RPN2: variants seen among roughly 807,000 people sequenced by gnomAD.
RPN2 encodes the protein ribophorin II.
In RPN2, 29 loss-of-function variants were observed where a neutral mutation model predicts 71.4. That is an observed-to-expected ratio of 0.41 (90% CI 0.30 to 0.55). RPN2 has a LOEUF of 0.55. Among genes scored for constraint, RPN2 ranks in the 20% least tolerant of loss-of-function variants. The pLI is 0.35. For synonymous variants in RPN2, 308 were observed against 305.0 expected (o/e 1.01, Z -0.10); for missense variants, 726 against 774.1 (o/e 0.94, Z 0.74).
At chr20:37,210,274 T>C (rs538561258) in intron 8 of RPN2, 109 bp downstream of exon 8, 3 of 1,582,452 alleles carry the variant, frequency 1.9e-6, no homozygotes, top group South Asian at 1.1e-5. Flanking sequence ...TTTGATCTAC[T>C]GGTATCGAAA....
chr20:37,198,831 C>T (rs2067314752), intron 3 of RPN2, among the ~76,000 whole-genome samples: 1 of 152,216 alleles, frequency 6.6e-6, no homozygotes, highest in South Asian at 2.1e-4. Flanking sequence ...CATAGGAGAA[C>T]CATATAAGTA....
chr20:37,238,764 C>T (rs751110991), intron 16 of RPN2: 1 of 610,762 alleles, frequency 1.6e-6, no homozygotes, highest in East Asian at 3.8e-5. Flanking sequence ...AAGCCTCTCT[C>T]TCTGTTTCCA....
At chr20:37,231,885 T>A (rs2343034) in intron 13 of RPN2, among the ~76,000 whole-genome samples, 124,417 of 151,962 alleles carry the variant, frequency 0.82, 51,631 homozygotes, top group Middle Eastern at 0.93. Flanking sequence ...GCAGCAGCAT[T>A]TGCCAGGGCC....
intron 4 of RPN2, among the ~76,000 whole-genome samples, chr20:37,203,064 A>G (rs2067428218): frequency 6.6e-6 from 1 of 152,180 alleles, no homozygotes; most frequent in Non-Finnish European, 1.5e-5. Flanking sequence ...ACCTGGGACT[A>G]TAGGCATGTG....
At chr20:37,187,148 C>T (rs2067024533) in intron 2 of RPN2, among the ~76,000 whole-genome samples, 1 of 151,820 alleles carries the variant, frequency 6.6e-6, no homozygotes, top group Non-Finnish European at 1.5e-5. Flanking sequence ...ATAATTTCTA[C>T]CTTTTGATTG....
intron 4 of RPN2, among the ~76,000 whole-genome samples, chr20:37,200,661 TC>T (rs2067367281): frequency 6.6e-6 from 1 of 152,136 alleles, no homozygotes; most frequent in Non-Finnish European, 1.5e-5. Flanking sequence ...CCTCACACCC[TC>T]CCTATATTCA....
chr20:37,220,145 TTC>T (rs2067914912), intron 9 of RPN2, among the ~76,000 whole-genome samples: 2 of 152,186 alleles, frequency 1.3e-5, no homozygotes, highest in Admixed American at 1.3e-4. Flanking sequence ...TTACAAAATC[TTC>T]TCTCTTCCTC....
At chr20:37,213,691 A>G in intron 8 of RPN2, 69 bp from the exon 9 acceptor site, 10 of 1,179,054 alleles carry the variant, frequency 8.5e-6, no homozygotes, top group Non-Finnish European at 1.1e-5. Flanking sequence ...GACATTTTGT[A>G]GCTCCTGTTT....
At chr20:37,191,274 C>T (rs1468682766) in intron 2 of RPN2, among the ~76,000 whole-genome samples, 3 of 151,842 alleles carry the variant, frequency 2.0e-5, no homozygotes, top group Admixed American at 6.6e-5. Flanking sequence ...GTCAGGAGTT[C>T]GAGACCAGCC....
chr20:37,181,400 A>G (rs1340881187), intron 1 of RPN2, among the ~76,000 whole-genome samples: 1 of 148,964 alleles, frequency 6.7e-6, no homozygotes, highest in Non-Finnish European at 1.5e-5. Flanking sequence ...CATACTCCTG[A>G]TTCAGAATGT....
chr20:37,237,124 C>T (rs6104187), intron 16 of RPN2, among the ~76,000 whole-genome samples: 5,033 of 152,082 alleles, frequency 0.033, 276 homozygotes, highest in African/African-American at 0.11. Flanking sequence ...GAGCTTGTCC[C>T]GGAAGCACGA....
Position 37,204,808 on chromosome 20 carries a change from C to T in RPN2, c.597C>T (p.Leu199=). The change falls in exon 6 of 17, where the codon CTC becomes CTT. Residue 199 remains leucine, a synonymous_variant. Transcript: ENST00000237530. The part of the protein sequence containing the change: ...ARLDELGGVY[L]QFEEGLETTA... ...TGGATGAACTCGGGGGCGTGTATCT[C>T]CAGTTTGAAGAAGGACTGGAAACAA... is the stretch of plus-strand genomic sequence containing the variant. 2 of 1,614,134 alleles carry T rather than the reference C, an allele frequency of 1.2e-6. No homozygotes were observed. The highest frequency in any genetic ancestry group is 2.2e-5 in the South Asian group (2 of 91,070).
chr20:37,193,839 C>T (rs919564123), intron 2 of RPN2, among the ~76,000 whole-genome samples: 8 of 152,000 alleles, frequency 5.3e-5, no homozygotes, highest in African/African-American at 1.2e-4. Flanking sequence ...GCTGGAGGTA[C>T]GGGTCTGAGA....
rs368547774 is a variant in RPN2, at chr20:37,196,321, C to T, written c.208-2076C>T. 3.0e-4 allele frequency among the ~76,000 whole-genome samples: 45 copies of T among 152,260 alleles called. No homozygotes were observed. In the East Asian group the frequency reaches 7.3e-3, roughly 25 times the overall value. On this transcript the variant is annotated intron_variant, in intron 2 of 16. Transcript: ENST00000237530. Reference sequence around the variant, plus strand: ...TTGGCTCACTGCAAGCTCTGCCTCCCGGGTTCACATCAGTCTCCCGCCTCA... The same window carrying T: ...TTGGCTCACTGCAAGCTCTGCCTCCTGGGTTCACATCAGTCTCCCGCCTCA...
chr20:37,233,400 T>C (rs1007891967), intron 14 of RPN2, among the ~76,000 whole-genome samples: 4 of 152,152 alleles, frequency 2.6e-5, no homozygotes, highest in African/African-American at 9.7e-5. Flanking sequence ...TGAATGCATA[T>C]CCTCAAAGCT....
chr20:37,188,153 A>G (rs1479029222), intron 2 of RPN2, among the ~76,000 whole-genome samples: 2 of 151,910 alleles, frequency 1.3e-5, no homozygotes, highest in African/African-American at 2.4e-5. Context: ...TTCTGCTATC[A>G]TTGTCATACT....
intron 1 of RPN2, among the ~76,000 whole-genome samples, chr20:37,182,824 T>C (rs746576484): frequency 2.0e-5 from 3 of 152,260 alleles, no homozygotes; most frequent in Non-Finnish European, 4.4e-5. Context: ...CAATGCACTT[T>C]ATCAAGAAGC....
At chr20:37,226,293 A>G (rs997408851) in intron 11 of RPN2, among the ~76,000 whole-genome samples, 2 of 152,064 alleles carry the variant, frequency 1.3e-5, no homozygotes, top group East Asian at 3.9e-4. Flanking sequence ...GGCTGTTCTC[A>G]TCTCCTGACC....
intron 16 of RPN2, 26 bp from the exon 17 acceptor site, chr20:37,241,277 C>G: frequency 6.2e-7 from 1 of 1,611,862 alleles, no homozygotes. Context: ...TTCAGTAATT[C>G]TGTGTTTGTC....
Sources: allele counts gnomAD v4.1 joint callset (sites outside exome capture counted in the v4.1 genomes callset), GRCh38; gene constraint gnomAD v4.1.1; transcripts MANE v1.5; gene names NCBI Gene and HGNC (gene_info 2026-07-23, HGNC 2026-07-21).